The following DENND6A variants were observed in gnomAD, a reference collection of about 807,000 sequenced individuals.
DENND6A encodes DENN domain containing 6A.
A neutral mutation model predicts 95.5 loss-of-function variants in DENND6A; 43 were observed. That is an observed-to-expected ratio of 0.45 (90% CI 0.35 to 0.58). The LOEUF is 0.58. Among genes scored for constraint, DENND6A ranks in the 20% least tolerant of loss-of-function variants. DENND6A has a pLI of 0.00. For synonymous variants in DENND6A, 257 were observed against 260.4 expected (o/e 0.99, Z 0.13); for missense variants, 574 against 736.0 (o/e 0.78, Z 2.55).
At chr3:57,673,208 C>T (rs34162534) in intron 1 of DENND6A, among the ~76,000 whole-genome samples, 23 of 62,088 alleles carry the variant, frequency 3.7e-4, no homozygotes, top group African/African-American at 9.3e-4. Context: ...AATGACATTT[C>T]GTATCAAAAA....
chr3:57,661,675 G>T, intron 5 of DENND6A, 124 bp from the exon 6 acceptor site: 1 of 708,612 alleles, frequency 1.4e-6, no homozygotes, highest in Non-Finnish European at 2.2e-6. Context: ...CTTTTACAGT[G>T]GATAGTTAAA....
At chr3:57,691,669 CAAAAAA>C (rs71091304) in intron 1 of DENND6A, among the ~76,000 whole-genome samples, 11 of 93,600 alleles carry the variant, frequency 1.2e-4, no homozygotes, top group African/African-American at 4.4e-4. Context: ...TCACCAATAC[CAAAAAA>C]AAAAAAAAAA....
chr3:57,628,293 A>T lies in DENND6A; in HGVS notation c.1748T>A (p.Leu583Ter). The change falls in exon 20 of 20, where the codon TTA becomes TAA. Residue 583 changes from leucine to a stop codon, truncating the protein, a stop_gained. Coordinates refer to ENST00000311128, the MANE Select transcript of DENND6A (RefSeq NM_152678.3). LOFTEE classifies it high-confidence loss of function. ...LPVKPDTMEK[L>*]RTHIDAIILA... ...GATAATGGCATCTATGTGTGTCCGT[A>T]ACTTTTCCATAGTGTCAGGTTTCAC... 1 of 1,614,160 alleles carries T rather than the reference A, an allele frequency of 6.2e-7. No homozygotes were observed. The highest frequency in any genetic ancestry group is 8.5e-7 in the Non-Finnish European group (1 of 1,180,026).
intron 1 of DENND6A, among the ~76,000 whole-genome samples, chr3:57,677,749 G>A (rs150814207): frequency 6.6e-6 from 1 of 152,156 alleles, no homozygotes; most frequent in Non-Finnish European, 1.5e-5. Flanking sequence ...ACTTTTAACA[G>A]AAAGAATCAT....
intron 9 of DENND6A, among the ~76,000 whole-genome samples, chr3:57,653,086 G>C (rs1007303307): frequency 2.0e-5 from 3 of 152,094 alleles, no homozygotes; most frequent in Admixed American, 6.6e-5. Context: ...GAGATGACAG[G>C]GCACCAAGTC....
intron 15 of DENND6A, among the ~76,000 whole-genome samples, chr3:57,633,052 G>A (rs1223941194): frequency 6.6e-6 from 1 of 152,200 alleles, no homozygotes; most frequent in Non-Finnish European, 1.5e-5. Flanking sequence ...TGAGAAAATT[G>A]AGGGTCAGAG....
chr3:57,633,266 A>G lies in DENND6A; in HGVS notation c.1352T>C (p.Leu451Ser). 6.2e-7 allele frequency: 1 copy of G among 1,610,424 alleles called. No individual in the cohort carries two copies. The highest frequency in any genetic ancestry group is 1.1e-5 in the South Asian group (1 of 90,862). The change falls in exon 15 of 20, where the codon TTA becomes TCA. Residue 451 changes from leucine (L) to serine (S), a missense_variant and splice_region_variant. Physicochemically the swap from Leu to Ser is moderately radical, Grantham distance 145. Around this residue, in one of 2 missense-constraint regions of DENND6A, gnomAD observed 452 missense variants for 630.9 expected, o/e 0.72. Coordinates refer to ENST00000311128, the MANE Select transcript of DENND6A (RefSeq NM_152678.3). ...GCAAAAATTTATTTATTAACTTACTAATGGAATGATGAAACTTTGTGTCAG... is the reference window on the plus strand; with the variant it reads ...GCAAAAATTTATTTATTAACTTACTGATGGAATGATGAAACTTTGTGTCAG... ...LELTQSFIIPLERYVASLMPL... is the reference protein window; with the variant it reads ...LELTQSFIIPSERYVASLMPL...
At chr3:57,675,237 GTA>G (rs2071690238) in intron 1 of DENND6A, among the ~76,000 whole-genome samples, 1 of 152,146 alleles carries the variant, frequency 6.6e-6, no homozygotes, top group Non-Finnish European at 1.5e-5. Context: ...TTTACATTAG[GTA>G]AAAAAAGTTT....
intron 4 of DENND6A, 76 bp downstream of exon 4, chr3:57,666,047 G>T: frequency 8.4e-7 from 1 of 1,189,870 alleles, no homozygotes; most frequent in Non-Finnish European, 1.2e-6. Context: ...TTTCTGAATG[G>T]TGTCAGCGGT....
chr3:57,690,214 T>C (rs1039364235), intron 1 of DENND6A, among the ~76,000 whole-genome samples: 1 of 141,882 alleles, frequency 7.0e-6, no homozygotes, highest in Non-Finnish European at 1.5e-5. Context: ...AAAACAAAAT[T>C]AGCTGGGCAG....
intron 1 of DENND6A, among the ~76,000 whole-genome samples, chr3:57,686,349 T>G (rs1188916294): frequency 6.6e-6 from 1 of 152,226 alleles, no homozygotes; most frequent in Non-Finnish European, 1.5e-5. Flanking sequence ...AAATCTTTGA[T>G]TACATAAGAT....
Position 57,630,912 on chromosome 3 carries a change from A to T in DENND6A, c.1407+13T>A. On this transcript the variant is annotated intron_variant, in intron 16 of 19. Transcript: ENST00000311128. Reference sequence around the variant, plus strand: ...CAGTTAGAGGACCCAAATAGATTTGAATATATTCATACCTTCCATGGGGAA... The same window carrying T: ...CAGTTAGAGGACCCAAATAGATTTGTATATATTCATACCTTCCATGGGGAA... 6.2e-7 allele frequency: 1 copy of T among 1,613,256 alleles called. No individual in the cohort carries two copies. Among genetic ancestry groups the T allele is most frequent in the South Asian group, 1.1e-5 (1 of 90,794 alleles).
At chr3:57,669,727 A>G (rs1024726161) in intron 3 of DENND6A, among the ~76,000 whole-genome samples, 2 of 150,612 alleles carry the variant, frequency 1.3e-5, no homozygotes, top group African/African-American at 4.9e-5. Flanking sequence ...AAAAAAAGAA[A>G]AGAAAAAAAA....
At chr3:57,651,395 T>C (rs2071207910) in intron 9 of DENND6A, among the ~76,000 whole-genome samples, 1 of 152,112 alleles carries the variant, frequency 6.6e-6, no homozygotes, top group Non-Finnish European at 1.5e-5. Context: ...TTATTCTGGG[T>C]GAAGGAAGAC....
At chr3:57,691,484 CAACT>C (rs1378207986) in intron 1 of DENND6A, among the ~76,000 whole-genome samples, 5 of 152,148 alleles carry the variant, frequency 3.3e-5, no homozygotes, top group Admixed American at 1.3e-4. Context: ...GTATGCTCCA[CAACT>C]AACATAATGC....
At chr3:57,672,371 A>G in intron 2 of DENND6A, 29 bp downstream of exon 2, 1 of 1,612,234 alleles carries the variant, frequency 6.2e-7, no homozygotes, top group South Asian at 1.1e-5. Context: ...ATATAACAGT[A>G]AACTATACAG....
rs558113637 is a variant in DENND6A, at chr3:57,633,291, G to C, written c.1327C>G (p.Leu443Val). The change falls in exon 15 of 20, where the codon CTG (leucine) becomes GTG (valine). Residue 443 changes from leucine (L) to valine (V), a missense_variant. Coordinates refer to ENST00000311128, the MANE Select transcript of DENND6A (RefSeq NM_152678.3). ...AATGGAATGATGAAACTTTGTGTCA[G>C]TTCCAAAAAATAGCGTCGAAGAATA... is the stretch of plus-strand genomic sequence containing the variant. Reference protein sequence around the residue: ...SVILRRYFLELTQSFIIPLER... With the variant: ...SVILRRYFLEVTQSFIIPLER... 228 of 1,613,702 alleles carry C rather than the reference G, an allele frequency of 1.4e-4. No homozygotes were observed. The Middle Eastern group carries it at 2.9e-3, about 20-fold the overall frequency.
chr3:57,681,059 A>C (rs973756791), intron 1 of DENND6A, among the ~76,000 whole-genome samples: 15 of 152,224 alleles, frequency 9.9e-5, no homozygotes, highest in African/African-American at 3.4e-4. Context: ...AAAAGTGAAA[A>C]CACATGTTCA....
intron 3 of DENND6A, among the ~76,000 whole-genome samples, chr3:57,668,257 A>T (rs2071557362): frequency 6.6e-6 from 1 of 152,210 alleles, no homozygotes; most frequent in Non-Finnish European, 1.5e-5. Context: ...AAAGCACATG[A>T]TGATGTCCCT....
Sources: allele counts gnomAD v4.1 joint callset (sites outside exome capture counted in the v4.1 genomes callset), GRCh38; gene constraint gnomAD v4.1.1; regional missense constraint gnomAD v4.1.1; transcripts MANE v1.5; gene names NCBI Gene and HGNC (gene_info 2026-07-23, HGNC 2026-07-21).